The following ABCA7 variants were observed in gnomAD, a reference collection of about 807,000 sequenced individuals.
ABCA7 encodes ATP binding cassette subfamily A member 7.
ABCA7 carries 261 observed loss-of-function variants against 227.6 expected under a neutral mutation model. That is an observed-to-expected ratio of 1.15 (90% CI 1.04 to 1.27). ABCA7 has a LOEUF of 1.27. Among genes scored for constraint, ABCA7 ranks in the 50% most tolerant of loss-of-function variants. The pLI is 0.00. For missense variants in ABCA7, 3,331 were observed against 2,924.5 expected, an observed-to-expected ratio of 1.14 and a Z score of -3.21; for synonymous variants, 1,488 against 1,279.7, an observed-to-expected ratio of 1.16 and a Z score of -3.47.
At chr19:1,052,757 G>A (rs908158772) in intron 23 of ABCA7, among the ~76,000 whole-genome samples, 3 of 150,584 alleles carry the variant, frequency 2.0e-5, no homozygotes, top group African/African-American at 7.4e-5. Context: ...TTGAGAACCT[G>A]AGATGATGCC....
chr19:1,064,951 T>C lies in ABCA7; in HGVS notation c.6065T>C (p.Leu2022Pro). 1 of 1,544,178 alleles carries C rather than the reference T, an allele frequency of 6.5e-7. No individual in the cohort carries two copies. The highest frequency in any genetic ancestry group is 2.0e-5 in the Admixed American group (1 of 50,844). Residue 2022 changes from leucine (L) to proline (P), a missense_variant, in exon 46 of 47, where the codon CTG becomes CCG. Leu to Pro is a moderately conservative substitution (Grantham distance 98, BLOSUM62 -3). Transcript: ENST00000263094. ...LKGRFAAGHT[L>P]TLRVPAARSQ... ...TGCAGATTCGCGGCGGGTCACACAC[T>C]GACCCTGCGGGTGCCCGCCGCAAGG...
intron 42 of ABCA7, 91 bp from the exon 43 acceptor site, chr19:1,063,453 C>G: frequency 6.6e-7 from 1 of 1,522,598 alleles, no homozygotes; most frequent in Admixed American, 1.9e-5. Flanking sequence ...TATGCCCCTG[C>G]TCCACACTCA....
rs72973581 is a variant in ABCA7, at chr19:1,043,104, G to A, written c.643G>A (p.Gly215Ser). The change falls in exon 8 of 47, where the codon GGC (glycine) becomes AGC (serine). Residue 215 changes from glycine to serine, a missense_variant. Physicochemically the swap from Gly to Ser is moderately conservative, Grantham distance 56. Transcript: ENST00000263094. Reference protein sequence around the residue: ...ALLQRPRGTSGPLELLSEALC... With the variant: ...ALLQRPRGTSSPLELLSEALC... The stretch of plus-strand genomic sequence containing the variant: ...GCTGCAGAGACCCCGAGGGACCAGC[G>A]GCCCCCTGGAGTTGCTGTCAGAGGC... 89,023 of 1,612,294 alleles carry A rather than the reference G, an allele frequency of 0.055. 2,922 individuals carry two copies. The highest frequency in any genetic ancestry group is 0.065 in the Non-Finnish European group (76,632 of 1,179,428).
rs1217596482 is a variant in ABCA7, at chr19:1,065,272, ATTC to A, written c.6291_6293del (p.Phe2097del). ...CCCTCTGGGCTGCCCACCGCTAGGT[ATTC>A]TTGTACTTCTCCAAGGACCAGGGGA... On this transcript the variant is annotated inframe_deletion, in exon 47 of 47. Transcript: ENST00000263094. The A allele has an allele frequency of 6.2e-7, 1 of 1,613,004 alleles. No individual in the cohort carries two copies. Among genetic ancestry groups the A allele is most frequent in the African/African-American group, 1.3e-5 (1 of 74,904 alleles).
At chr19:1,044,090 C>G (rs1479597912) in intron 10 of ABCA7, among the ~76,000 whole-genome samples, 1 of 150,904 alleles carries the variant, frequency 6.6e-6, no homozygotes, top group African/African-American at 2.5e-5. Context: ...GCGCCCACCA[C>G]CACGCCCGGA....
chr19:1,042,108 C>A lies in ABCA7; in HGVS notation c.347C>A (p.Ala116Asp). 2 of 1,598,676 alleles carry A rather than the reference C, an allele frequency of 1.3e-6. No individual in the cohort carries two copies. Among genetic ancestry groups the A allele is most frequent in the Non-Finnish European group, 8.5e-7 (1 of 1,178,920 alleles). The change falls in exon 5 of 47, where the codon GCC (alanine) becomes GAC (aspartate). Residue 116 changes from alanine (A) to aspartate (D), a missense_variant. Transcript: ENST00000263094. Reference protein sequence around the residue: ...LADARTVLGGASAHRTLAGLG... With the variant: ...LADARTVLGGDSAHRTLAGLG... Reference sequence around the variant, plus strand: ...GATGCCCGCACTGTGCTGGGAGGGGCCAGTGCCCACAGGACGCTGGCTGGC... The same window carrying A: ...GATGCCCGCACTGTGCTGGGAGGGGACAGTGCCCACAGGACGCTGGCTGGC...
rs766748921 is a variant in ABCA7 at position 1,047,004 on chromosome 19, C to G, written c.1825C>G (p.Leu609Val). Residue 609 changes from leucine (L) to valine (V), a missense_variant, in exon 14 of 47, where the codon CTG becomes GTG. Coordinates refer to ENST00000263094, the MANE Select transcript of ABCA7 (RefSeq NM_019112.4). ...CLGPFLLSAA[L>V]LVLVLKLGDI... ...CGGGCCCTTCCTGCTCAGCGCCGCA[C>G]TGCTGGTTCTGGTGCTCAAGGTGGG... 2.1e-5 allele frequency: 33 copies of G among 1,569,276 alleles called. No homozygotes were observed. The Middle Eastern group carries it at 5.0e-4, about 24-fold the overall frequency.
Position 1,047,392 on chromosome 19 carries a change from C to G in ABCA7, c.2067+14C>G, listed in dbSNP as rs748475741. The G allele has an allele frequency of 1.9e-6, 3 of 1,559,060 alleles. No homozygotes were observed. Among genetic ancestry groups the G allele is most frequent in the African/African-American group, 2.7e-5 (2 of 73,536 alleles). ...CGCGTGGCCGCGGTGAGAGCCGGGT[C>G]GGGCGTGGATGGGGGACGCCCCCCG... is the stretch of plus-strand genomic sequence containing the variant. On this transcript the variant is annotated intron_variant, in intron 15 of 46. Transcript: ENST00000263094.
chr19:1,058,889 G>A lies in ABCA7; in HGVS notation c.5349G>A (p.Val1783=), dbSNP rs1033824980. The change falls in exon 39 of 47, where the codon GTG becomes GTA. Residue 1783 remains valine (V), a synonymous_variant. Transcript: ENST00000263094. ...DEDVARERER[V]VQGATQGDVL... ...ATGTAGCCCGTGAACGGGAGCGGGT[G>A]GTCCAAGGAGCCACCCAGGGGGATG... is the stretch of plus-strand genomic sequence containing the variant. 6.3e-7 allele frequency: 1 copy of A among 1,584,036 alleles called. No homozygotes were observed. Among genetic ancestry groups the A allele is most frequent in the Admixed American group, 1.7e-5 (1 of 58,376 alleles).
intron 40 of ABCA7, among the ~76,000 whole-genome samples, chr19:1,059,477 G>C (rs974680988): frequency 1.3e-5 from 2 of 151,212 alleles, no homozygotes; most frequent in Admixed American, 6.6e-5. Flanking sequence ...GTGTTAGCCA[G>C]GATGGTCTCC....
intron 23 of ABCA7, among the ~76,000 whole-genome samples, chr19:1,053,087 T>A (rs1216898005): frequency 6.6e-6 from 1 of 152,178 alleles, no homozygotes; most frequent in Non-Finnish European, 1.5e-5. Flanking sequence ...AGAAATGGGG[T>A]TTCACCATGT....
chr19:1,047,686 G>C (rs1161231093), intron 16 of ABCA7, 32 bp downstream of exon 16: 1 of 1,551,928 alleles, frequency 6.4e-7, no homozygotes, highest in East Asian at 2.3e-5. Flanking sequence ...TCCGGGCCGG[G>C]TCGCACCTGC....
In ABCA7 at chr19:1,059,088, G is replaced by A. The variant is rs773533533; in HGVS notation, c.5463+3G>A. The A allele has an allele frequency of 6.2e-7, 1 of 1,612,464 alleles. No individual in the cohort carries two copies. Among genetic ancestry groups the A allele is most frequent in the Admixed American group, 1.7e-5 (1 of 59,912 alleles). On this transcript the variant is annotated splice_donor_region_variant and intron_variant, in intron 40 of 46. Coordinates refer to ENST00000263094, the MANE Select transcript of ABCA7 (RefSeq NM_019112.4). Reference sequence around the variant, plus strand: ...GCCTGGGGATTCCCCCTGGTGAGGTGAGTCCAGGGGTGGAGGCCAGGTGCA... The same window carrying A: ...GCCTGGGGATTCCCCCTGGTGAGGTAAGTCCAGGGGTGGAGGCCAGGTGCA...
intron 14 of ABCA7, 36 bp downstream of exon 14, chr19:1,047,060 G>C (rs374756464): frequency 6.4e-6 from 10 of 1,551,204 alleles, no homozygotes; most frequent in East Asian, 2.4e-5. Flanking sequence ...TGCAGAATGG[G>C]TGCGCTGGAG....
Position 1,053,793 on chromosome 19 carries a change from C to G in ABCA7, c.3429C>G (p.Phe1143Leu). The change falls in exon 25 of 47, where the codon TTC becomes TTG. Residue 1143 changes from phenylalanine (F) to leucine (L), a missense_variant. Coordinates refer to ENST00000263094, the MANE Select transcript of ABCA7 (RefSeq NM_019112.4). ...GCCCCTGCTTGTCTCCCCAGATCTTCCTGAAGGTGGTGGAGGAGTGTGCTG... is the reference window on the plus strand; with the variant it reads ...GCCCCTGCTTGTCTCCCCAGATCTTGCTGAAGGTGGTGGAGGAGTGTGCTG... ...GISDTSLEEI[F>L]LKVVEECAAD... 2 of 1,612,124 alleles carry G rather than the reference C, an allele frequency of 1.2e-6. No homozygotes were observed. The highest frequency in any genetic ancestry group is 1.7e-6 in the Non-Finnish European group (2 of 1,178,852).
chr19:1,053,369 CG>C lies in ABCA7; in HGVS notation c.3265del (p.Ala1089HisfsTer32). On this transcript the variant is annotated frameshift_variant, in exon 24 of 47. Coordinates refer to ENST00000263094, the MANE Select transcript of ABCA7 (RefSeq NM_019112.4). LOFTEE classifies it high-confidence loss of function. ...TGGCCCTGGTACAGCACTGGGTGCCCGGGGCACGGCTGGTGGAGGAGCTGCC... is the reference window on the plus strand; with the variant it reads ...TGGCCCTGGTACAGCACTGGGTGCCCGGGCACGGCTGGTGGAGGAGCTGCC... ...LLALVQHWVP[G>X]ARLVEELPHE... The C allele has an allele frequency of 1.2e-6, 2 of 1,609,256 alleles. No homozygotes were observed. Among genetic ancestry groups the C allele is most frequent in the Non-Finnish European group, 1.7e-6 (2 of 1,179,444 alleles).
At chr19:1,049,148 C>T (rs1032908661) in intron 17 of ABCA7, 118 bp from the exon 18 acceptor site, 1 of 1,262,672 alleles carries the variant, frequency 7.9e-7, no homozygotes. Context: ...CCCCAAGCTC[C>T]CGCAGCTTTT....
intron 45 of ABCA7, 88 bp from the exon 46 acceptor site, chr19:1,064,843 G>C (rs2042938113): frequency 6.9e-7 from 1 of 1,457,148 alleles, no homozygotes; most frequent in Non-Finnish European, 9.1e-7. Flanking sequence ...GTATGGGGCG[G>C]GGCCAGAGAG....
intron 24 of ABCA7, 96 bp downstream of exon 24, chr19:1,053,627 A>G: frequency 2.0e-6 from 3 of 1,518,146 alleles, no homozygotes; most frequent in South Asian, 1.2e-5. Flanking sequence ...ATGAGCAGCA[A>G]GGACATTCAG....
Sources: allele counts gnomAD v4.1 joint callset (sites outside exome capture counted in the v4.1 genomes callset), GRCh38; gene constraint gnomAD v4.1.1; transcripts MANE v1.5; gene names NCBI Gene and HGNC (gene_info 2026-07-23, HGNC 2026-07-21).